HCN1: variants seen among roughly 807,000 people sequenced by gnomAD.
The protein encoded by HCN1 is hyperpolarization activated cyclic nucleotide gated potassium channel 1.
A neutral mutation model predicts 78.9 loss-of-function variants in HCN1; 13 were observed. The ratio of observed to expected loss-of-function variants is 0.16; its 90% confidence interval spans 0.11 to 0.26. The LOEUF is 0.26. Among genes scored for constraint, HCN1 ranks in the 10% least tolerant of loss-of-function variants. The pLI, the probability that HCN1 is intolerant of heterozygous loss-of-function variation, is 1.00. For missense variants in HCN1, 810 were observed against 1,154.3 expected, an observed-to-expected ratio of 0.70 and a Z score of 4.32; for synonymous variants, 552 against 455.5, an observed-to-expected ratio of 1.21 and a Z score of -2.70.
At chr5:45,691,294 T>G (rs920818121) in intron 1 of HCN1, among the ~76,000 whole-genome samples, 4 of 152,040 alleles carry the variant, frequency 2.6e-5, no homozygotes, top group Admixed American at 1.3e-4. Context: ...CAATTTATAA[T>G]CATACCCCGA....
At chr5:45,551,352 A>T (rs1743365304) in intron 2 of HCN1, among the ~76,000 whole-genome samples, 1 of 151,936 alleles carries the variant, frequency 6.6e-6, no homozygotes, top group Non-Finnish European at 1.5e-5. Flanking sequence ...AAATGAAAAC[A>T]AAAGCAGACT....
At chr5:45,278,668 T>C (rs1745108385) in intron 6 of HCN1, among the ~76,000 whole-genome samples, 1 of 152,152 alleles carries the variant, frequency 6.6e-6, no homozygotes, top group Admixed American at 6.6e-5. Flanking sequence ...AATTAGTTAC[T>C]TTAGTTAGTA....
intron 3 of HCN1, among the ~76,000 whole-genome samples, chr5:45,425,620 C>G (rs555622102): frequency 1.3e-5 from 2 of 152,164 alleles, no homozygotes; most frequent in South Asian, 4.1e-4. Context: ...GAAACAACTA[C>G]TTTGTAAAGG....
At chr5:45,444,711 C>A (rs1344671616) in intron 3 of HCN1, among the ~76,000 whole-genome samples, 1 of 152,052 alleles carries the variant, frequency 6.6e-6, no homozygotes, top group African/African-American at 2.4e-5. Context: ...CTAGCCACTT[C>A]TTTTTTGCTT....
chr5:45,452,962 T>C (rs1477867369), intron 3 of HCN1, among the ~76,000 whole-genome samples: 1 of 152,086 alleles, frequency 6.6e-6, no homozygotes, highest in Non-Finnish European at 1.5e-5. Flanking sequence ...TTCATGTCAC[T>C]TCTGATTCTG....
At chr5:45,663,070 C>CA (rs1745953253) in intron 1 of HCN1, among the ~76,000 whole-genome samples, 1 of 149,678 alleles carries the variant, frequency 6.7e-6, no homozygotes, top group Non-Finnish European at 1.5e-5. Context: ...TACAAGGCTA[C>CA]AGTAACCAAA....
At chr5:45,693,890 C>T (rs1739958140) in intron 1 of HCN1, among the ~76,000 whole-genome samples, 1 of 152,060 alleles carries the variant, frequency 6.6e-6, no homozygotes, top group South Asian at 2.1e-4. Context: ...AATATTGAAC[C>T]TGGTACATTT....
At chr5:45,478,932 G>A (rs1741583772) in intron 2 of HCN1, among the ~76,000 whole-genome samples, 1 of 152,032 alleles carries the variant, frequency 6.6e-6, no homozygotes, top group South Asian at 2.1e-4. Context: ...GACCAGCCTG[G>A]CCAACATGGT....
At chr5:45,347,990 A>G (rs1579829236) in intron 5 of HCN1, among the ~76,000 whole-genome samples, 1 of 152,206 alleles carries the variant, frequency 6.6e-6, no homozygotes, top group African/African-American at 2.4e-5. Flanking sequence ...GCAGGCCAAC[A>G]TTCAGATTCA....
At chr5:45,585,839 G>A (rs188292732) in intron 2 of HCN1, among the ~76,000 whole-genome samples, 277 of 152,232 alleles carry the variant, frequency 1.8e-3, no homozygotes, top group African/African-American at 5.5e-3. Flanking sequence ...GCAGAACAGC[G>A]GATATTGGTG....
chr5:45,635,418 C>A lies in HCN1; in HGVS notation c.849+9767G>T, dbSNP rs552859232. 7.2e-5 allele frequency among the ~76,000 whole-genome samples: 11 copies of A among 152,028 alleles called. No homozygotes were observed. The East Asian group carries it at 2.1e-3, about 29-fold the overall frequency. ...CCTATAAACAATCTCAATGGGAAACCCTTTCTGATCCCACTACTCCTGACT... is the reference window on the plus strand; with the variant it reads ...CCTATAAACAATCTCAATGGGAAACACTTTCTGATCCCACTACTCCTGACT... On this transcript the variant is annotated intron_variant, in intron 2 of 7. Transcript: ENST00000303230.
intron 6 of HCN1, among the ~76,000 whole-genome samples, chr5:45,292,567 C>T (rs1040221678): frequency 4.6e-5 from 7 of 151,934 alleles, no homozygotes; most frequent in Non-Finnish European, 4.4e-5. Context: ...CTCTGAATTT[C>T]TCAGAAATCA....
chr5:45,585,502 T>C (rs1038420272), intron 2 of HCN1, among the ~76,000 whole-genome samples: 2 of 152,220 alleles, frequency 1.3e-5, no homozygotes, highest in African/African-American at 4.8e-5. Flanking sequence ...AGTAGTTTGA[T>C]CGTCTGAAGC....
At chr5:45,567,929 C>T (rs977453842) in intron 2 of HCN1, among the ~76,000 whole-genome samples, 8 of 151,338 alleles carry the variant, frequency 5.3e-5, no homozygotes, top group Non-Finnish European at 1.2e-4. Context: ...CACACACACA[C>T]ACACACACAC....
chr5:45,373,049 T>C (rs917151063), intron 4 of HCN1, among the ~76,000 whole-genome samples: 1 of 135,398 alleles, frequency 7.4e-6, no homozygotes, highest in African/African-American at 2.7e-5. Context: ...ATATAAAATA[T>C]AATATATATA....
intron 6 of HCN1, among the ~76,000 whole-genome samples, chr5:45,286,737 G>A (rs150662764): frequency 1.3e-5 from 2 of 152,054 alleles, no homozygotes; most frequent in South Asian, 2.1e-4. Flanking sequence ...ACATTAAGAT[G>A]TTGTTGTTGA....
chr5:45,354,439 A>G (rs1277227113), intron 4 of HCN1, among the ~76,000 whole-genome samples: 1 of 152,046 alleles, frequency 6.6e-6, no homozygotes, highest in Non-Finnish European at 1.5e-5. Context: ...CACATTTGAT[A>G]TACTTTATAT....
At position 45,383,565 on chromosome 5, in the gene HCN1, C is replaced by A. The variant is rs960823436; in HGVS notation, c.1230+12927G>T. On this transcript the variant is annotated intron_variant, in intron 4 of 7. Coordinates refer to ENST00000303230, the MANE Select transcript of HCN1 (RefSeq NM_021072.4). ...CAAAAATTAGCCAGGCATGGTGGCA[C>A]ACGCCTGTAGTCCTGCTACTCGGGA... 6.9e-4 allele frequency among the ~76,000 whole-genome samples: 105 copies of A among 151,960 alleles called. 1 individual carries two copies. The highest frequency in any genetic ancestry group is 2.5e-3 in the African/African-American group (102 of 41,382).
Position 45,262,518 on chromosome 5 carries a change from G to A in HCN1, c.2076C>T (p.Ala692=), listed in dbSNP as rs1016993157. The A allele has an allele frequency of 1.2e-6, 2 of 1,613,868 alleles. No individual in the cohort carries two copies. Among genetic ancestry groups the A allele is most frequent in the Admixed American group, 1.7e-5 (1 of 60,000 alleles). The change falls in exon 8 of 8, where the codon GCC becomes GCT. Residue 692 remains alanine, a synonymous_variant. Transcript: ENST00000303230. Reference sequence around the variant, plus strand: ...TGGTGTAGGAGCAGGGTGACAGGATGGCTGATGGCTGGGGGGTCTGTGTGC... The same window carrying A: ...TGGTGTAGGAGCAGGGTGACAGGATAGCTGATGGCTGGGGGGTCTGTGTGC... The part of the protein sequence containing the change: ...SPSTQTPQPS[A]ILSPCSYTTA...
Sources: gnomAD v4.1 joint callset for allele counts (sites outside exome capture counted in the v4.1 genomes callset) on GRCh38, gnomAD v4.1.1 for gene constraint, MANE v1.5 for transcripts, NCBI Gene and HGNC (gene_info 2026-07-23, HGNC 2026-07-21) for gene names.